The following RBFOX1 variants were observed in gnomAD, a reference collection of about 807,000 sequenced individuals.
RBFOX1 encodes the protein RNA binding fox-1 homolog 1.
A neutral mutation model predicts 57.7 loss-of-function variants in RBFOX1; 8 were observed. That is an observed-to-expected ratio of 0.14 (90% CI 0.08 to 0.25). The LOEUF (loss-of-function observed/expected upper bound fraction) is 0.25. Among genes scored for constraint, RBFOX1 ranks in the 10% least tolerant of loss-of-function variants. RBFOX1 has a pLI of 1.00. For synonymous variants in RBFOX1, 326 were observed against 222.4 expected (o/e 1.47, Z -4.15); for missense variants, 611 against 548.5 (o/e 1.11, Z -1.14).
At chr16:6,803,250 T>C (rs12445508) in intron 3 of RBFOX1, among the ~76,000 whole-genome samples, 41,242 of 152,142 alleles carry the variant, frequency 0.27, 6,276 homozygotes, top group Non-Finnish European at 0.33. Flanking sequence ...GTTAGCTTTC[T>C]GCATGAAAGT....
At chr16:5,843,083 T>C (rs2151850214) in intron 3 of RBFOX1, among the ~76,000 whole-genome samples, 1 of 152,314 alleles carries the variant, frequency 6.6e-6, no homozygotes, top group Admixed American at 6.5e-5. Context: ...CGCCTTGGCC[T>C]CCCAAAGTGC....
At chr16:5,905,047 A>G (rs1440650057) in intron 4 of RBFOX1, among the ~76,000 whole-genome samples, 2 of 134,782 alleles carry the variant, frequency 1.5e-5, no homozygotes, top group Non-Finnish European at 3.1e-5. Flanking sequence ...ATCCCATATG[A>G]CTCCATATGA....
At chr16:6,630,195 G>C (rs1190572414) in intron 2 of RBFOX1, among the ~76,000 whole-genome samples, 1 of 152,068 alleles carries the variant, frequency 6.6e-6, no homozygotes, top group Admixed American at 6.6e-5. Flanking sequence ...GTATTATTCA[G>C]TTTTGATTCC....
intron 4 of RBFOX1, among the ~76,000 whole-genome samples, chr16:7,373,673 G>T (rs2097621250): frequency 6.6e-6 from 1 of 151,810 alleles, no homozygotes; most frequent in Admixed American, 6.5e-5. Context: ...TCTGACCTGT[G>T]TTGGCAGCAA....
At chr16:7,050,006 C>T (rs1038404383) in intron 3 of RBFOX1, among the ~76,000 whole-genome samples, 2 of 152,184 alleles carry the variant, frequency 1.3e-5, no homozygotes, top group African/African-American at 4.8e-5. Flanking sequence ...AGCAGTCACT[C>T]CTCCTTTTCC....
intron 2 of RBFOX1, among the ~76,000 whole-genome samples, chr16:6,362,638 C>T (rs17436401): frequency 0.62 from 94,496 of 152,088 alleles, 29,777 homozygotes; most frequent in Middle Eastern, 0.66. Context: ...GCTTCATAGA[C>T]TGATACTAGA....
At chr16:7,007,414 C>T (rs2093364258) in intron 3 of RBFOX1, among the ~76,000 whole-genome samples, 1 of 152,118 alleles carries the variant, frequency 6.6e-6, no homozygotes, top group Non-Finnish European at 1.5e-5. Context: ...ATGGGATTTT[C>T]CCCAATAATC....
chr16:5,660,872 A>G (rs1047541608), intron 3 of RBFOX1, among the ~76,000 whole-genome samples: 19 of 152,260 alleles, frequency 1.2e-4, no homozygotes, highest in Admixed American at 9.2e-4. Context: ...TGGCTTTCCT[A>G]TGGCCGTAGC....
chr16:7,548,969 C>T (rs145634750), intron 5 of RBFOX1, among the ~76,000 whole-genome samples: 1 of 152,338 alleles, frequency 6.6e-6, no homozygotes, highest in East Asian at 1.9e-4. Context: ...TCCCAGAGCT[C>T]ACATTCCAGG....
intron 4 of RBFOX1, among the ~76,000 whole-genome samples, chr16:7,484,849 T>G (rs1319407919): frequency 6.6e-6 from 1 of 152,218 alleles, no homozygotes; most frequent in African/African-American, 2.4e-5. Context: ...CTCTGTTTTT[T>G]CTGATTTAAT....
intron 3 of RBFOX1, among the ~76,000 whole-genome samples, chr16:6,663,233 G>C (rs766862798): frequency 6.6e-6 from 1 of 152,168 alleles, no homozygotes; most frequent in Admixed American, 6.5e-5. Flanking sequence ...CAATGGATGG[G>C]TGTCATGAAT....
chr16:7,581,333 G>A (rs149418400), intron 6 of RBFOX1, among the ~76,000 whole-genome samples: 44 of 152,258 alleles, frequency 2.9e-4, no homozygotes, highest in Non-Finnish European at 5.1e-4. Flanking sequence ...AGTGAGAGTC[G>A]AGGTTAAGTG....
intron 4 of RBFOX1, among the ~76,000 whole-genome samples, chr16:7,247,333 G>A (rs945590071): frequency 2.0e-5 from 3 of 152,196 alleles, no homozygotes; most frequent in African/African-American, 7.2e-5. Context: ...ACCCGCAGTG[G>A]AGGGGACACT....
At chr16:6,962,022 A>G (rs2083127822) in intron 3 of RBFOX1, among the ~76,000 whole-genome samples, 1 of 152,156 alleles carries the variant, frequency 6.6e-6, no homozygotes, top group Non-Finnish European at 1.5e-5. Flanking sequence ...CATTTTACCC[A>G]GCCCCTATTC....
At chr16:7,531,291 G>A (rs1381678420) in intron 5 of RBFOX1, among the ~76,000 whole-genome samples, 1 of 152,136 alleles carries the variant, frequency 6.6e-6, no homozygotes, top group Non-Finnish European at 1.5e-5. Context: ...TTACAAAAGA[G>A]GAAGCAGCGA....
chr16:6,989,328 CTCTG>C (rs1490650406), intron 3 of RBFOX1, among the ~76,000 whole-genome samples: 17 of 152,130 alleles, frequency 1.1e-4, no homozygotes, highest in Admixed American at 5.9e-4. Context: ...ATGTGCTTCT[CTCTG>C]TCTATCTGTA....
intron 3 of RBFOX1, among the ~76,000 whole-genome samples, chr16:5,785,601 C>G (rs2054472966): frequency 6.6e-6 from 1 of 151,962 alleles, no homozygotes; most frequent in Non-Finnish European, 1.5e-5. Context: ...GATCTTGGCT[C>G]ACTGCAACCT....
At chr16:5,547,548 A>C (rs1233978332) in intron 2 of RBFOX1, among the ~76,000 whole-genome samples, 1 of 152,220 alleles carries the variant, frequency 6.6e-6, no homozygotes, top group African/African-American at 2.4e-5. Context: ...TGAATTCTAA[A>C]AAATGCAAAT....
intron 5 of RBFOX1, among the ~76,000 whole-genome samples, chr16:7,555,462 G>A (rs772123649): frequency 6.6e-6 from 1 of 152,188 alleles, no homozygotes; most frequent in African/African-American, 2.4e-5. Flanking sequence ...GCGGGGAAAA[G>A]GATATAAGAG....
Sources: allele counts gnomAD v4.1 joint callset (sites outside exome capture counted in the v4.1 genomes callset), GRCh38; gene constraint gnomAD v4.1.1; transcripts MANE v1.5; gene names NCBI Gene and HGNC (gene_info 2026-07-23, HGNC 2026-07-21).